MAF: variants seen among roughly 807,000 people sequenced by gnomAD.
The protein encoded by MAF is transcription factor Maf.
Under a neutral mutation model 22.0 loss-of-function variants are expected in MAF, and 10 were observed. That is an observed-to-expected ratio of 0.45 (90% confidence interval 0.28 to 0.77). The LOEUF (loss-of-function observed/expected upper bound fraction) is 0.77, where lower values mean the gene tolerates loss of function less well. Ranked by LOEUF, MAF falls within the 30% of genes least tolerant of loss-of-function variation. The probability of loss-of-function intolerance (pLI) is 0.12; values close to 1 mark genes in which losing one functional copy is unlikely to be tolerated. For missense variants in MAF, 544 were observed against 548.4 expected, an observed-to-expected ratio of 0.99 and a Z score of 0.08; for synonymous variants, 337 against 255.8, an observed-to-expected ratio of 1.32 and a Z score of -3.03.
the MAF span, among the ~76,000 whole-genome samples, chr16:79,477,412 C>A: frequency 2.6e-5 from 4 of 151,816 alleles, no homozygotes; most frequent in South Asian, 2.1e-4. Flanking sequence ...GAAGGCCAGC[C>A]TCCACGAGCC....
chr16:79,431,686 C>T, the MAF span, among the ~76,000 whole-genome samples: 16 of 152,182 alleles, frequency 1.1e-4, 1 homozygote, highest in South Asian at 6.2e-4. Flanking sequence ...GACTCAAAGG[C>T]GCCACTTTCA....
chr16:79,588,525 C>G (rs910950921), intron 1 of MAF, among the ~76,000 whole-genome samples: 4 of 152,042 alleles, frequency 2.6e-5, no homozygotes, highest in Non-Finnish European at 5.9e-5. Flanking sequence ...ACCTCCGCCT[C>G]CCAGGTTTTA....
the MAF span, among the ~76,000 whole-genome samples, chr16:79,466,740 C>T: frequency 5.3e-5 from 8 of 152,234 alleles, no homozygotes; most frequent in Non-Finnish European, 1.2e-4. Context: ...TAGAAGACCA[C>T]CTAATGTGGT....
At chr16:79,488,315 T>C in the MAF span, among the ~76,000 whole-genome samples, 1 of 152,258 alleles carries the variant, frequency 6.6e-6, no homozygotes, top group African/African-American at 2.4e-5. Flanking sequence ...GTGTTGGGTG[T>C]CCAGAAATGT....
chr16:79,595,362 C>G (rs745699569), intron 1 of MAF: 30 of 1,051,494 alleles, frequency 2.9e-5, no homozygotes, highest in Non-Finnish European at 3.2e-5. Flanking sequence ...CAGCACCAAA[C>G]ACAACCTGTT....
chr16:79,264,596 T>G, the MAF span: 1 of 152,204 alleles, frequency 6.6e-6, no homozygotes, highest in Admixed American at 6.5e-5. Context: ...CTCTATCCTC[T>G]CTCAAATGCT....
At chr16:79,492,154 G>C in the MAF span, among the ~76,000 whole-genome samples, 1 of 152,138 alleles carries the variant, frequency 6.6e-6, no homozygotes, top group Admixed American at 6.5e-5. Context: ...TGAGGACCGG[G>C]TGCCTAACGG....
the MAF span, among the ~76,000 whole-genome samples, chr16:79,398,476 A>G: frequency 0.029 from 4,373 of 152,204 alleles, 191 homozygotes; most frequent in African/African-American, 0.098. Context: ...GCATTATCCA[A>G]TCTGCTGCAG....
the MAF span, among the ~76,000 whole-genome samples, chr16:79,383,740 T>C: frequency 2.0e-5 from 3 of 152,184 alleles, no homozygotes; most frequent in Admixed American, 6.5e-5. Flanking sequence ...GCATCATTTT[T>C]TGATGCTCTC....
the MAF span, among the ~76,000 whole-genome samples, chr16:79,529,603 G>A: frequency 6.6e-6 from 1 of 152,184 alleles, no homozygotes; most frequent in Admixed American, 6.6e-5. Flanking sequence ...CGTGTCAGCA[G>A]GTGTTTGACA....
At chr16:79,281,736 G>A in the MAF span, among the ~76,000 whole-genome samples, 3 of 151,868 alleles carry the variant, frequency 2.0e-5, no homozygotes, top group Admixed American at 6.6e-5. Context: ...TAGTAGAGAC[G>A]GGGTTTGACC....
the MAF span, among the ~76,000 whole-genome samples, chr16:79,450,064 A>G: frequency 3.3e-5 from 5 of 152,328 alleles, no homozygotes; most frequent in East Asian, 5.8e-4. Flanking sequence ...TCCTCTTTCC[A>G]TAGTATTCCC....
At position 79,599,307 on chromosome 16, in the gene MAF, G is replaced by T; in HGVS notation, c.596C>A (p.Ala199Glu). The T allele has an allele frequency of 1.0e-6, 1 of 981,666 alleles. No individual in the cohort carries two copies. Among genetic ancestry groups the T allele is most frequent in the Non-Finnish European group, 1.2e-6 (1 of 829,118 alleles). The allele number at this position is 981,666 out of a possible 1,614,324, so 60.8% of individuals were successfully genotyped here. A position where few individuals can be genotyped will look rare whatever the true frequency, so the allele number is the denominator to read the frequency against. ...AGHHHHPTAG[A>E]PGAAGSAAAS... Reference sequence around the variant, plus strand: ...GGCCGCGCTGCCCGCGGCGCCGGGCGCGCCGGCCGTCGGGTGGTGGTGGTG... The same window carrying T: ...GGCCGCGCTGCCCGCGGCGCCGGGCTCGCCGGCCGTCGGGTGGTGGTGGTG... The change falls in exon 1 of 2, where the codon GCG becomes GAG. Residue 199 changes from alanine to glutamate, a missense_variant. By Grantham distance (107) the Ala-to-Glu change is moderately radical. Transcript: ENST00000326043.
the MAF span, among the ~76,000 whole-genome samples, chr16:79,380,852 G>C: frequency 6.6e-6 from 1 of 152,180 alleles, no homozygotes; most frequent in African/African-American, 2.4e-5. Flanking sequence ...ATTGTCTGTG[G>C]GGTGACCTCT....
At chr16:79,287,273 G>A in the MAF span, among the ~76,000 whole-genome samples, 2 of 152,194 alleles carry the variant, frequency 1.3e-5, no homozygotes, top group Non-Finnish European at 1.5e-5. Flanking sequence ...CAGGCTGTTA[G>A]ACACCTGCCA....
chr16:79,346,196 A>G, the MAF span, among the ~76,000 whole-genome samples: 1 of 122,916 alleles, frequency 8.1e-6, no homozygotes, highest in Non-Finnish European at 1.7e-5. Context: ...ACCCCACTAC[A>G]GTCCCCGGTG....
chr16:79,417,688 C>G, the MAF span, among the ~76,000 whole-genome samples: 1 of 152,156 alleles, frequency 6.6e-6, no homozygotes, highest in African/African-American at 2.4e-5. Context: ...CGTCCCCTCC[C>G]CACATGGCCC....
At chr16:79,537,157 T>C in the MAF span, among the ~76,000 whole-genome samples, 1 of 152,186 alleles carries the variant, frequency 6.6e-6, no homozygotes, top group Non-Finnish European at 1.5e-5. Context: ...AATGATAAAG[T>C]GGGTCATTTG....
rs571021246 is a variant in MAF at position 79,595,313 on chromosome 16, T to C, written c.1119-760A>G. On this transcript the variant is annotated intron_variant, in intron 1 of 1. Coordinates refer to ENST00000326043, the MANE Select transcript of MAF (RefSeq NM_005360.5). Reference sequence around the variant, plus strand: ...CACTGTCTTCGTGTTTTGTAAAAAATAGGCAGGAAGGCCAGATGATAAACT... The same window carrying C: ...CACTGTCTTCGTGTTTTGTAAAAAACAGGCAGGAAGGCCAGATGATAAACT... 40 of 1,049,212 alleles carry C rather than the reference T, an allele frequency of 3.8e-5. No homozygotes were observed. The African/African-American group carries it at 4.6e-4, about 12-fold the overall frequency. The allele number at this position is 1,049,212 out of a possible 1,614,324, so 65.0% of individuals were successfully genotyped here.
Sources: gnomAD v4.1 joint callset for allele counts (sites outside exome capture counted in the v4.1 genomes callset) on GRCh38, gnomAD v4.1.1 for gene constraint, MANE v1.5 for transcripts, NCBI Gene and HGNC (gene_info 2026-07-23, HGNC 2026-07-21) for gene names.